The following ZNF624 variants were observed in gnomAD, a reference collection of about 807,000 sequenced individuals.
ZNF624 encodes zinc finger protein 624.
In ZNF624, 43 loss-of-function variants were observed where a neutral mutation model predicts 74.7. The observed-to-expected ratio is 0.58, with a 90% CI of 0.45 to 0.74. ZNF624 has a LOEUF of 0.74. Ranked by LOEUF, ZNF624 falls within the 30% of genes least tolerant of loss-of-function variation. The probability of loss-of-function intolerance (pLI) is 0.00; values close to 1 mark genes in which losing one functional copy is unlikely to be tolerated. For synonymous variants in ZNF624, 331 were observed against 341.3 expected (o/e 0.97, Z 0.33); for missense variants, 820 against 1,030.0 (o/e 0.80, Z 2.79).
chr17:16,643,206 C>G (rs1909506496), intron 3 of ZNF624, among the ~76,000 whole-genome samples: 1 of 152,158 alleles, frequency 6.6e-6, no homozygotes, highest in Non-Finnish European at 1.5e-5. Context: ...AACACATGCT[C>G]ACACAAAAAC....
rs1413160081 is a variant in ZNF624, at chr17:16,623,159, C to T, written c.1727G>A (p.Arg576His). 9 of 1,613,778 alleles carry T rather than the reference C, an allele frequency of 5.6e-6. No homozygotes were observed. The East Asian group carries it at 6.7e-5, about 12-fold the overall frequency. ...ATAAGGTTTCTCTTCAGTATGAATA[C>T]GCTGATGTATAATTAGAGAAGAAGA... ...MRSSSLIIHQ[R>H]IHTEEKPYLC... Residue 576 changes from arginine (R) to histidine (H), a missense_variant, in exon 6 of 6, where the codon CGT (arginine) becomes CAT (histidine). By Grantham distance (29) the Arg-to-His change is conservative (BLOSUM62 0). Coordinates refer to ENST00000311331, the MANE Select transcript of ZNF624 (RefSeq NM_020787.4). This position sits in a 1 kb window ranked among gnomAD's most constrained non-coding sequence, Gnocchi z 5.3.
At position 16,622,541 on chromosome 17, in the gene ZNF624, C is replaced by A; in HGVS notation, c.2345G>T (p.Cys782Phe). 6.2e-7 allele frequency: 1 copy of A among 1,613,926 alleles called. No homozygotes were observed. Among genetic ancestry groups the A allele is most frequent in the Non-Finnish European group, 8.5e-7 (1 of 1,179,912 alleles). Residue 782 changes from cysteine (C) to phenylalanine (F), a missense_variant, in exon 6 of 6, where the codon TGT (cysteine) becomes TTT (phenylalanine). Cys to Phe is a radical substitution (Grantham distance 205, BLOSUM62 -2). Transcript: ENST00000311331. ...AATACAACCCTTTCCACATTCCTTA[C>A]AGGTGTAGGGTTTTTCTCCAGTGTG... is the stretch of plus-strand genomic sequence containing the variant. Reference protein sequence around the residue: ...RTHTGEKPYTCKECGKGCITL... With the variant: ...RTHTGEKPYTFKECGKGCITL...
the ZNF624 span, among the ~76,000 whole-genome samples, chr17:16,614,646 GACCAAAAACAAACAAAAA>G: frequency 2.6e-5 from 4 of 151,896 alleles, no homozygotes; most frequent in South Asian, 6.2e-4. Flanking sequence ...TCTTCCAGAG[GACCAAAAACAAACAAAAA>G]ACCAAAAACA....
chr17:16,651,213 G>A (rs1317533068), intron 1 of ZNF624, among the ~76,000 whole-genome samples: 1 of 152,006 alleles, frequency 6.6e-6, no homozygotes, highest in Admixed American at 6.6e-5. Flanking sequence ...GAGCACCTGA[G>A]GTCAGGAGTT....
intron 5 of ZNF624, among the ~76,000 whole-genome samples, chr17:16,626,838 C>T (rs1028798645): frequency 1.3e-5 from 2 of 152,044 alleles, no homozygotes; most frequent in African/African-American, 4.8e-5. Context: ...GGGCGGATTA[C>T]CTGACATCAG....
intron 3 of ZNF624, among the ~76,000 whole-genome samples, chr17:16,642,611 T>C (rs142543406): frequency 0.017 from 2,650 of 152,228 alleles, 37 homozygotes; most frequent in Admixed American, 0.032. Flanking sequence ...GATTTGGTAA[T>C]GAATTATTAG....
At chr17:16,652,180 T>C (rs1405458256) in intron 1 of ZNF624, among the ~76,000 whole-genome samples, 1 of 152,180 alleles carries the variant, frequency 6.6e-6, no homozygotes, top group Non-Finnish European at 1.5e-5. Flanking sequence ...TCTGAGAATC[T>C]GACCTTGTCC....
At chr17:16,638,185 G>A (rs1436881138) in intron 3 of ZNF624, among the ~76,000 whole-genome samples, 2 of 152,062 alleles carry the variant, frequency 1.3e-5, no homozygotes, top group African/African-American at 4.8e-5. Flanking sequence ...CACCAGTTAG[G>A]ATGGCGATCA....
chr17:16,646,116 G>A (rs1909588688), intron 3 of ZNF624, among the ~76,000 whole-genome samples: 1 of 152,078 alleles, frequency 6.6e-6, no homozygotes, highest in African/African-American at 2.4e-5. Context: ...TAAAAAGGAT[G>A]CAGAATTTAG....
intron 3 of ZNF624, among the ~76,000 whole-genome samples, chr17:16,639,761 A>T (rs989452703): frequency 6.6e-6 from 1 of 152,222 alleles, no homozygotes; most frequent in Non-Finnish European, 1.5e-5. Context: ...AGATTGGTCC[A>T]GGAAAGTTTC....
chr17:16,620,634 A>G (rs1280575189), downstream of ZNF624: 1 of 152,230 alleles, frequency 6.6e-6, no homozygotes, highest in Admixed American at 6.5e-5. Flanking sequence ...ACCAATTTCC[A>G]TGCTCTAAGA....
intron 3 of ZNF624, among the ~76,000 whole-genome samples, chr17:16,640,367 G>A (rs1909438941): frequency 6.6e-6 from 1 of 151,962 alleles, no homozygotes; most frequent in South Asian, 2.1e-4. Flanking sequence ...AGAAGGAAGA[G>A]TGAACTAAAT....
At chr17:16,615,222 T>C in the ZNF624 span, among the ~76,000 whole-genome samples, 1 of 152,110 alleles carries the variant, frequency 6.6e-6, no homozygotes, top group Non-Finnish European at 1.5e-5. Context: ...CTCAGCCTCC[T>C]GAGTAGCTGG....
chr17:16,616,803 G>T, downstream of ZNF624: 1 of 913,990 alleles, frequency 1.1e-6, no homozygotes, highest in Non-Finnish European at 1.7e-6. Context: ...TGCCTAAGCA[G>T]GAAAGTGTTC....
Position 16,623,162 on chromosome 17 carries a change from T to C in ZNF624, c.1724A>G (p.Gln575Arg). Residue 575 changes from glutamine to arginine, a missense_variant, in exon 6 of 6, where the codon CAG becomes CGG. Gln to Arg is a conservative substitution (Grantham distance 43). Transcript: ENST00000311331. This position sits in a 1 kb window ranked among gnomAD's most constrained non-coding sequence, Gnocchi z 5.3. Reference protein sequence around the residue: ...FMRSSSLIIHQRIHTEEKPYL... With the variant: ...FMRSSSLIIHRRIHTEEKPYL... ...AGGTTTCTCTTCAGTATGAATACGC[T>C]GATGTATAATTAGAGAAGAAGAACG... 6.2e-7 allele frequency: 1 copy of C among 1,613,884 alleles called. No homozygotes were observed. Among genetic ancestry groups the C allele is most frequent in the African/African-American group, 1.3e-5 (1 of 75,052 alleles).
chr17:16,643,612 T>C (rs1909517837), intron 3 of ZNF624, among the ~76,000 whole-genome samples: 1 of 152,204 alleles, frequency 6.6e-6, no homozygotes, highest in African/African-American at 2.4e-5. Context: ...GGTTACAAAC[T>C]CTGTGAATAT....
rs1449005596 is a variant in ZNF624, at chr17:16,623,115, C to T, written c.1771G>A (p.Glu591Lys). ...AAGTGTGATTTTATTCTGAAAGACT[C>T]CCCACATTCATTGCACAGATAAGGT... is the stretch of plus-strand genomic sequence containing the variant. ...EKPYLCNECG[E>K]SFRIKSHLTV... Residue 591 changes from glutamate (E) to lysine (K), a missense_variant, in exon 6 of 6, where the codon GAG becomes AAG. Transcript: ENST00000311331. This position sits in a 1 kb window ranked among gnomAD's most constrained non-coding sequence, Gnocchi z 5.3. The T allele has an allele frequency of 2.5e-6, 4 of 1,613,664 alleles. No homozygotes were observed. Among genetic ancestry groups the T allele is most frequent in the Non-Finnish European group, 2.5e-6 (3 of 1,179,918 alleles).
At chr17:16,631,893 A>G (rs1909216533) in intron 5 of ZNF624, among the ~76,000 whole-genome samples, 1 of 152,232 alleles carries the variant, frequency 6.6e-6, no homozygotes, top group African/African-American at 2.4e-5. Flanking sequence ...TTAAAATTAG[A>G]TTAAACGGAA....
rs1403139649 is a variant in ZNF624 at position 16,653,807 on chromosome 17, G to A, written c.-46C>T. 6.5e-6 allele frequency: 1 copy of A among 152,802 alleles called. No homozygotes were observed. The highest frequency in any genetic ancestry group is 1.5e-5 in the Non-Finnish European group (1 of 68,136). 9.5% of individuals were successfully genotyped at this position (152,802 alleles called of 1,614,324 possible). A position where few individuals can be genotyped will look rare whatever the true frequency, so the allele number is the denominator to read the frequency against. ...ACAACTGAGGGAACTCGCAGAGCAG[G>A]GCGGGAACGCTTCCAGCAATGGCGG... On this transcript the variant is annotated 5_prime_UTR_variant, in exon 1 of 6. Transcript: ENST00000311331.
Sources: allele counts gnomAD v4.1 joint callset (sites outside exome capture counted in the v4.1 genomes callset), GRCh38; gene constraint gnomAD v4.1.1; non-coding constraint Gnocchi (gnomAD v3.1); transcripts MANE v1.5; gene names NCBI Gene and HGNC (gene_info 2026-07-23, HGNC 2026-07-21).